The following FBN1 variants were observed in gnomAD, a reference collection of about 807,000 sequenced individuals.
FBN1 encodes fibrillin 1.
In FBN1, 29 loss-of-function variants were observed where a neutral mutation model predicts 365.1. That is an observed-to-expected ratio of 0.08 (90% CI 0.06 to 0.11). The LOEUF (loss-of-function observed/expected upper bound fraction) is 0.11, where lower values mean the gene tolerates loss of function less well. FBN1 is among the 10% of genes least tolerant of loss of function. FBN1 has a pLI of 1.00. For missense variants in FBN1, 2,476 were observed against 3,703.2 expected, an observed-to-expected ratio of 0.67 and a Z score of 8.60; for synonymous variants, 1,210 against 1,270.5, an observed-to-expected ratio of 0.95 and a Z score of 1.01.
chr15:48,608,144 C>G (rs757595280), intron 4 of FBN1, among the ~76,000 whole-genome samples: 3 of 152,200 alleles, frequency 2.0e-5, no homozygotes, highest in Non-Finnish European at 2.9e-5. Flanking sequence ...AGATCATTTT[C>G]TATTCTCAGA....
intron 32 of FBN1, among the ~76,000 whole-genome samples, chr15:48,477,173 C>T (rs1410571566): frequency 1.3e-5 from 2 of 151,952 alleles, no homozygotes; most frequent in African/African-American, 4.8e-5. Context: ...TTTTACCTTC[C>T]ATGTTTAATC....
intron 19 of FBN1, 106 bp from the exon 20 acceptor site, chr15:48,496,331 C>A: frequency 1.4e-6 from 2 of 1,476,482 alleles, no homozygotes; most frequent in Non-Finnish European, 1.9e-6. Context: ...GTGATCAATT[C>A]AAGCAAAAAG....
intron 6 of FBN1, among the ~76,000 whole-genome samples, chr15:48,576,550 T>C (rs1352793416): frequency 6.6e-6 from 1 of 152,132 alleles, no homozygotes; most frequent in East Asian, 1.9e-4. Flanking sequence ...CAGTGCCTGC[T>C]GGAGGAATGA....
At position 48,474,324 on chromosome 15, in the gene FBN1, T is replaced by C; in HGVS notation, c.4141A>G (p.Lys1381Glu). 1 of 1,614,162 alleles carries C rather than the reference T, an allele frequency of 6.2e-7. No individual in the cohort carries two copies. Among genetic ancestry groups the C allele is most frequent in the Non-Finnish European group, 8.5e-7 (1 of 1,180,008 alleles). ...CAGCGGTAAGATCCCATGGTATTCT[T>C]GCAGTCTGCATGCTGGCTGCACATA... ...THMCSQHADC[K>E]NTMGSYRCLC... Residue 1381 changes from lysine (K) to glutamate (E), a missense_variant, in exon 34 of 66, where the codon AAG (lysine) becomes GAG (glutamate). Physicochemically the swap from Lys to Glu is moderately conservative, Grantham distance 56. Transcript: ENST00000316623.
At chr15:48,550,608 C>T (rs914916798) in intron 6 of FBN1, among the ~76,000 whole-genome samples, 11 of 151,980 alleles carry the variant, frequency 7.2e-5, no homozygotes, top group African/African-American at 2.7e-4. Flanking sequence ...TACTTGGCTT[C>T]CTCTCTGGCC....
chr15:48,512,489 C>T (rs1269496549), intron 13 of FBN1, among the ~76,000 whole-genome samples: 1 of 152,176 alleles, frequency 6.6e-6, no homozygotes, highest in Non-Finnish European at 1.5e-5. Flanking sequence ...ACCCTCCACC[C>T]TCCAATAGGC....
At chr15:48,621,942 G>C (rs532803671) in intron 2 of FBN1, among the ~76,000 whole-genome samples, 4 of 151,456 alleles carry the variant, frequency 2.6e-5, no homozygotes, top group African/African-American at 9.7e-5. Flanking sequence ...AGCTTGCAGT[G>C]AGCCGAGATT....
At chr15:48,555,646 G>A (rs972136348) in intron 6 of FBN1, among the ~76,000 whole-genome samples, 1 of 152,136 alleles carries the variant, frequency 6.6e-6, no homozygotes, top group African/African-American at 2.4e-5. Context: ...TAGGAGGAGA[G>A]AGTCTTGTTT....
intron 32 of FBN1, chr15:48,476,615 T>TTTC (rs2043420358): frequency 6.7e-6 from 1 of 149,002 alleles, no homozygotes; most frequent in South Asian, 2.2e-4. Context: ...CTTTTCTTTT[T>TTTC]TTTTTTTTTT....
intron 6 of FBN1, among the ~76,000 whole-genome samples, chr15:48,559,172 C>A (rs368641797): frequency 3.9e-5 from 6 of 152,156 alleles, no homozygotes; most frequent in African/African-American, 1.4e-4. Flanking sequence ...GGAGTGAGAG[C>A]GTTGTGTGCT....
intron 8 of FBN1, among the ~76,000 whole-genome samples, chr15:48,528,503 A>G (rs974533831): frequency 6.6e-6 from 1 of 152,184 alleles, no homozygotes; most frequent in African/African-American, 2.4e-5. Context: ...CTTGCATTAC[A>G]CTGAGGCCTT....
At chr15:48,610,652 G>T in intron 4 of FBN1, 76 bp downstream of exon 4, 4 of 1,141,644 alleles carry the variant, frequency 3.5e-6, no homozygotes, top group Admixed American at 1.9e-5. Flanking sequence ...AAAGAGGAAA[G>T]CCAAAATCAA....
rs74011805 is a variant in FBN1, at chr15:48,438,867, C to T, written c.6164-950G>A. Among the ~76,000 whole-genome samples, 1,230 of 152,238 alleles carry T rather than the reference C, an allele frequency of 8.1e-3. 24 individuals carry two copies. Among genetic ancestry groups the T allele is most frequent in the African/African-American group, 0.028 (1,175 of 41,556 alleles). On this transcript the variant is annotated intron_variant, in intron 50 of 65. Coordinates refer to ENST00000316623, the MANE Select transcript of FBN1 (RefSeq NM_000138.5). Reference sequence around the variant, plus strand: ...CAGAGGTATGGACTGTGTTTTCCCTCGAACTTGACTTCTTAAAGCCTTCCA... The same window carrying T: ...CAGAGGTATGGACTGTGTTTTCCCTTGAACTTGACTTCTTAAAGCCTTCCA...
chr15:48,571,135 C>A (rs1309945775), intron 6 of FBN1, among the ~76,000 whole-genome samples: 1 of 152,144 alleles, frequency 6.6e-6, no homozygotes, highest in East Asian at 1.9e-4. Context: ...TATGAGAAGT[C>A]CAAGGCTGGT....
chr15:48,451,722 G>C (rs1198902250), intron 45 of FBN1, among the ~76,000 whole-genome samples: 2 of 152,088 alleles, frequency 1.3e-5, no homozygotes, highest in Non-Finnish European at 2.9e-5. Context: ...GATTTGCTTT[G>C]CTAAATATAC....
chr15:48,456,801 A>T (rs1392609665), intron 43 of FBN1, 39 bp from the exon 44 acceptor site: 1 of 1,600,150 alleles, frequency 6.2e-7, no homozygotes, highest in East Asian at 2.3e-5. Context: ...ACAGGACAGC[A>T]CATGATCCCT....
chr15:48,606,605 A>G (rs2044612639), intron 4 of FBN1, among the ~76,000 whole-genome samples: 1 of 152,226 alleles, frequency 6.6e-6, no homozygotes, highest in African/African-American at 2.4e-5. Flanking sequence ...GAAGAAAATG[A>G]CAATAAAAGG....
chr15:48,618,864 C>A (rs750848149), intron 2 of FBN1, among the ~76,000 whole-genome samples: 1 of 152,168 alleles, frequency 6.6e-6, no homozygotes, highest in Non-Finnish European at 1.5e-5. Flanking sequence ...AGGTTGCCCA[C>A]TCCTTATGAG....
chr15:48,481,770 C>T lies in FBN1; in HGVS notation c.3849G>A (p.Glu1283=). The change falls in exon 32 of 66, where the codon GAG becomes GAA. Residue 1283 remains glutamate, a synonymous_variant. Transcript: ENST00000316623. Reference sequence around the variant, plus strand: ...GGCAGATATTTGGATTCAGGTCACACTCATTGACATCTGTAAAACATATAT... The same window carrying T: ...GGCAGATATTTGGATTCAGGTCACATTCATTGACATCTGTAAAACATATAT... ...EDMKTCVDVN[E]CDLNPNICLS... The T allele has an allele frequency of 6.2e-7, 1 of 1,613,388 alleles. No individual in the cohort carries two copies.
Sources: gnomAD v4.1 joint callset for allele counts (sites outside exome capture counted in the v4.1 genomes callset) on GRCh38, gnomAD v4.1.1 for gene constraint, MANE v1.5 for transcripts, NCBI Gene and HGNC (gene_info 2026-07-23, HGNC 2026-07-21) for gene names.